TAFA5: variants seen among roughly 807,000 people sequenced by gnomAD.
The protein encoded by TAFA5 is TAFA chemokine like family member 5.
Under a neutral mutation model 15.3 loss-of-function variants are expected in TAFA5, and 6 were observed. The observed-to-expected ratio is 0.39, with a 90% CI of 0.21 to 0.77. The LOEUF (loss-of-function observed/expected upper bound fraction) is 0.77. Ranked by LOEUF, TAFA5 falls within the 30% of genes least tolerant of loss-of-function variation. The probability of loss-of-function intolerance (pLI) is 0.41; values close to 1 mark genes in which losing one functional copy is unlikely to be tolerated. For synonymous variants in TAFA5, 103 were observed against 80.7 expected (o/e 1.28, Z -1.48); for missense variants, 161 against 193.1 (o/e 0.83, Z 0.98).
At chr22:48,568,636 C>T (rs182556271) in intron 1 of TAFA5, among the ~76,000 whole-genome samples, 141 of 152,338 alleles carry the variant, frequency 9.3e-4, no homozygotes, top group African/African-American at 3.2e-3. Flanking sequence ...CCTGCATTTG[C>T]TGTAATCCTT....
At chr22:48,528,790 G>T (rs771969175) in intron 1 of TAFA5, among the ~76,000 whole-genome samples, 6 of 152,232 alleles carry the variant, frequency 3.9e-5, no homozygotes, top group Non-Finnish European at 8.8e-5. Context: ...GCAGCTGTGC[G>T]CTTGCACCAG....
At chr22:48,568,694 G>C (rs1051862055) in intron 1 of TAFA5, among the ~76,000 whole-genome samples, 2 of 152,220 alleles carry the variant, frequency 1.3e-5, no homozygotes, top group Non-Finnish European at 1.5e-5. Context: ...CTAATGACTG[G>C]CCAGCGGTCT....
chr22:48,719,636 C>G (rs1287942934), intron 3 of TAFA5, among the ~76,000 whole-genome samples: 1 of 152,210 alleles, frequency 6.6e-6, no homozygotes, highest in Non-Finnish European at 1.5e-5. Flanking sequence ...GTCTGAGAGA[C>G]GGCGCAGGGG....
chr22:48,602,020 G>C (rs1924992598), intron 1 of TAFA5, among the ~76,000 whole-genome samples: 1 of 152,158 alleles, frequency 6.6e-6, no homozygotes, highest in African/African-American at 2.4e-5. Context: ...GGGCACGCTG[G>C]TGGGTTAAGC....
rs1034844147 is a variant in TAFA5, at chr22:48,737,325, C to T, written c.391-12514C>T. 5.9e-5 allele frequency among the ~76,000 whole-genome samples: 9 copies of T among 152,328 alleles called. 1 individual carries two copies. The South Asian group carries it at 1.4e-3, about 25-fold the overall frequency. On this transcript the variant is annotated intron_variant, in intron 3 of 3. Coordinates refer to ENST00000402357, the MANE Select transcript of TAFA5 (RefSeq NM_001082967.3). ...CAGAAGCTACTTGGCCCCCACAGCT[C>T]GAGGGCAGCGCCTGGCCTTAGGGAC...
intron 1 of TAFA5, among the ~76,000 whole-genome samples, chr22:48,614,834 G>A (rs937749120): frequency 6.6e-6 from 1 of 152,120 alleles, no homozygotes; most frequent in East Asian, 1.9e-4. Context: ...GGGGGCCGGG[G>A]TAGGCACTGG....
intron 2 of TAFA5, among the ~76,000 whole-genome samples, chr22:48,680,233 A>G (rs1928137195): frequency 8.5e-5 from 13 of 152,204 alleles, no homozygotes; most frequent in Admixed American, 7.2e-4. Flanking sequence ...GCAGAGTTAT[A>G]AATAACTTCC....
chr22:48,582,102 G>A (rs1924068836), intron 1 of TAFA5, among the ~76,000 whole-genome samples: 2 of 151,974 alleles, frequency 1.3e-5, no homozygotes, highest in Non-Finnish European at 2.9e-5. Context: ...CGGGGCAGGC[G>A]GCCCTTTCCT....
intron 1 of TAFA5, among the ~76,000 whole-genome samples, chr22:48,628,945 G>C (rs1242674949): frequency 6.6e-6 from 1 of 152,166 alleles, no homozygotes. Flanking sequence ...GTGTGACCAA[G>C]AAGTGCAGAG....
At chr22:48,514,532 C>CCCAAGT (rs1921335832) in intron 1 of TAFA5, among the ~76,000 whole-genome samples, 1 of 152,190 alleles carries the variant, frequency 6.6e-6, no homozygotes, top group African/African-American at 2.4e-5. Context: ...TGGGCCACAT[C>CCCAAGT]TCTGAGGACA....
intron 1 of TAFA5, among the ~76,000 whole-genome samples, chr22:48,556,142 A>T (rs755920032): frequency 1.3e-5 from 2 of 152,182 alleles, no homozygotes; most frequent in Non-Finnish European, 2.9e-5. Flanking sequence ...GTCACCCGAG[A>T]CCAATGGCAC....
At chr22:48,612,646 G>A (rs183469225) in intron 1 of TAFA5, among the ~76,000 whole-genome samples, 5 of 151,964 alleles carry the variant, frequency 3.3e-5, no homozygotes, top group African/African-American at 7.3e-5. Flanking sequence ...TCCCTTTCCC[G>A]GAGTGTCTCC....
intron 2 of TAFA5, among the ~76,000 whole-genome samples, chr22:48,663,309 T>G (rs5771915): frequency 6.6e-6 from 1 of 151,388 alleles, no homozygotes; most frequent in Non-Finnish European, 1.5e-5. Context: ...TAGAGTGGGC[T>G]GAGGGGCCAC....
chr22:48,627,330 A>G (rs1375627483), intron 1 of TAFA5, among the ~76,000 whole-genome samples: 1 of 152,240 alleles, frequency 6.6e-6, no homozygotes, highest in Admixed American at 6.5e-5. Flanking sequence ...CCCCGGAGCC[A>G]GCACGTGCCC....
At chr22:48,700,210 C>G (rs1928861064) in intron 2 of TAFA5, among the ~76,000 whole-genome samples, 1 of 152,066 alleles carries the variant, frequency 6.6e-6, no homozygotes, top group Non-Finnish European at 1.5e-5. Context: ...GAACAAGTAA[C>G]TCGTGTCCCA....
In TAFA5 at chr22:48,489,813, A is replaced by G; in HGVS notation, c.112+109A>G. The G allele has an allele frequency of 1.7e-6, 1 of 580,732 alleles. No homozygotes were observed. The highest frequency in any genetic ancestry group is 2.6e-6 in the Non-Finnish European group (1 of 379,960). 36.0% of individuals were successfully genotyped at this position (580,732 alleles called of 1,614,324 possible). On this transcript the variant is annotated intron_variant, in intron 1 of 3. Transcript: ENST00000402357. The surrounding 1 kb of genome is among the most constrained non-coding windows in gnomAD (Gnocchi z 5.5). The stretch of plus-strand genomic sequence containing the variant: ...CTCCCGGAGTCGGCGCGGAGTTACG[A>G]GCGCCGGGCGCATGGTCCCCCGAGT...
chr22:48,703,156 G>A (rs141775392), intron 2 of TAFA5, among the ~76,000 whole-genome samples: 1 of 152,272 alleles, frequency 6.6e-6, no homozygotes, highest in East Asian at 1.9e-4. Context: ...GCATGTGTGT[G>A]CCTGTGTGTG....
At chr22:48,748,552 G>A (rs1413773491) in intron 3 of TAFA5, among the ~76,000 whole-genome samples, 1 of 152,228 alleles carries the variant, frequency 6.6e-6, no homozygotes, top group Non-Finnish European at 1.5e-5. Context: ...GTGCCATGGG[G>A]CTGTTCTGTC....
chr22:48,749,686 G>A (rs1214199668), intron 3 of TAFA5, among the ~76,000 whole-genome samples, 153 bp from the exon 4 acceptor site: 1 of 152,146 alleles, frequency 6.6e-6, no homozygotes, highest in Non-Finnish European at 1.5e-5. Context: ...TGGTGGCCTG[G>A]ATGTCCCTCA....
Sources: allele counts gnomAD v4.1 joint callset (sites outside exome capture counted in the v4.1 genomes callset), GRCh38; gene constraint gnomAD v4.1.1; non-coding constraint Gnocchi (gnomAD v3.1); transcripts MANE v1.5; gene names NCBI Gene and HGNC (gene_info 2026-07-23, HGNC 2026-07-21).